The following CNBD2 variants were observed in gnomAD, a reference collection of about 807,000 sequenced individuals.
CNBD2 encodes cyclic nucleotide-binding domain-containing protein 2.
A neutral mutation model predicts 63.7 loss-of-function variants in CNBD2; 64 were observed. That is an observed-to-expected ratio of 1.00 (90% CI 0.82 to 1.24). The LOEUF is 1.24. Ranked by LOEUF, CNBD2 falls within the 50% of genes most tolerant of loss-of-function variation. CNBD2 has a pLI of 0.00. For synonymous variants in CNBD2, 229 were observed against 255.4 expected (o/e 0.90, Z 0.99); for missense variants, 691 against 713.5 (o/e 0.97, Z 0.36).
chr20:35,964,709 CT>C (rs573739064), upstream of CNBD2, among the ~76,000 whole-genome samples: 11 of 146,930 alleles, frequency 7.5e-5, no homozygotes, highest in Non-Finnish European at 1.1e-4. Context: ...CTTCATATAT[CT>C]TTTTTTTTTA....
intron 7 of CNBD2, 80 bp downstream of exon 7, chr20:35,987,613 A>G (rs554222081): frequency 2.2e-4 from 339 of 1,528,036 alleles, no homozygotes; most frequent in Non-Finnish European, 2.8e-4. Context: ...TGATGGTCAG[A>G]GTTTGAGCCC....
intron 7 of CNBD2, among the ~76,000 whole-genome samples, chr20:35,993,431 C>T (rs928699400): frequency 6.6e-6 from 1 of 152,114 alleles, no homozygotes; most frequent in Non-Finnish European, 1.5e-5. Flanking sequence ...TTCTTTTGCT[C>T]AACTGAATAT....
At chr20:36,022,154 A>T (rs1325239819) in intron 10 of CNBD2, among the ~76,000 whole-genome samples, 2 of 137,158 alleles carry the variant, frequency 1.5e-5, no homozygotes, top group Non-Finnish European at 3.1e-5. Context: ...GATTACAGGC[A>T]CCGGCCACCA....
chr20:36,020,879 G>A (rs890662457), intron 10 of CNBD2, among the ~76,000 whole-genome samples: 5 of 152,082 alleles, frequency 3.3e-5, no homozygotes, highest in Non-Finnish European at 7.4e-5. Context: ...TCAGAGGAAA[G>A]GTGGCATAGC....
At chr20:36,022,195 C>CTTTTTTTTTTTTTTTTTT (rs753206662) in intron 10 of CNBD2, among the ~76,000 whole-genome samples, 1 of 56,264 alleles carries the variant, frequency 1.8e-5, no homozygotes, top group East Asian at 6.2e-4. Flanking sequence ...TTTTTTTTTT[C>CTTTTTTTTTTTTTTTTTT]TTTTTTTTTT....
At chr20:35,998,507 G>A (rs2056855921) in intron 8 of CNBD2, among the ~76,000 whole-genome samples, 1 of 152,138 alleles carries the variant, frequency 6.6e-6, no homozygotes, top group African/African-American at 2.4e-5. Context: ...TGTTAAGTAG[G>A]TGAAGTTGGT....
At chr20:35,975,212 A>G (rs1224078642) in intron 2 of CNBD2, among the ~76,000 whole-genome samples, 3 of 135,560 alleles carry the variant, frequency 2.2e-5, no homozygotes, top group Admixed American at 7.2e-5. Flanking sequence ...CTTGTTAGCC[A>G]GGATGGTCTC....
At chr20:36,028,679 G>A (rs1384813118) in intron 11 of CNBD2, among the ~76,000 whole-genome samples, 8 of 99,792 alleles carry the variant, frequency 8.0e-5, no homozygotes, top group Admixed American at 1.7e-4. Flanking sequence ...AGGGCGTCAC[G>A]GGCTGGTTTT....
chr20:35,960,773 CTTCTCTTCCA>C (rs1568838622), intron 2 of CNBD2, among the ~76,000 whole-genome samples: 2,331 of 19,178 alleles, frequency 0.12, 354 homozygotes, highest in African/African-American at 0.25. Context: ...CTTCTCTTCC[CTTCTCTTCCA>C]TTCTCTTCCC....
intron 5 of CNBD2, 46 bp downstream of exon 5, chr20:35,984,184 A>G (rs2056635206): frequency 1.9e-6 from 3 of 1,553,132 alleles, no homozygotes; most frequent in African/African-American, 1.4e-5. Flanking sequence ...GAGTGGGTGG[A>G]GGTGACAGGA....
chr20:35,972,600 T>C (rs1380494002), intron 1 of CNBD2, 29 bp from the exon 2 acceptor site: 1 of 1,612,304 alleles, frequency 6.2e-7, no homozygotes. Context: ...AGATGGTTTC[T>C]ATTGATCTTG....
At chr20:35,971,114 ATTTTTTGTAT>A (rs1196650207) in intron 1 of CNBD2, among the ~76,000 whole-genome samples, 1 of 150,152 alleles carries the variant, frequency 6.7e-6, no homozygotes, top group East Asian at 2.0e-4. Flanking sequence ...CGCCCGGCTA[ATTTTTTGTAT>A]TTTTAGTAGA....
At chr20:35,963,394 G>A (rs2056322507) in intron 2 of CNBD2, among the ~76,000 whole-genome samples, 1 of 150,546 alleles carries the variant, frequency 6.6e-6, no homozygotes. Context: ...CTACTTAAAT[G>A]GTTTCGGCCG....
intron 7 of CNBD2, among the ~76,000 whole-genome samples, chr20:35,988,551 C>T (rs1447161724): frequency 6.6e-6 from 1 of 152,114 alleles, no homozygotes; most frequent in Non-Finnish European, 1.5e-5. Context: ...ATCCATAAAC[C>T]CATCATCTCA....
intron 10 of CNBD2, among the ~76,000 whole-genome samples, chr20:36,017,784 A>C (rs1478854765): frequency 1.2e-4 from 18 of 152,000 alleles, no homozygotes; most frequent in Non-Finnish European, 1.5e-5. Context: ...AAGGGGCGTA[A>C]TTTCCAGCCT....
chr20:35,975,347 C>CCGGA (rs2056495360), intron 2 of CNBD2, among the ~76,000 whole-genome samples: 1 of 117,566 alleles, frequency 8.5e-6, no homozygotes. Context: ...GTTGCCCAGG[C>CCGGA]TGGAGTGCAG....
intron 3 of CNBD2, among the ~76,000 whole-genome samples, chr20:35,978,541 T>A (rs1428343625): frequency 6.6e-6 from 1 of 152,186 alleles, no homozygotes; most frequent in East Asian, 1.9e-4. Flanking sequence ...AGACGGGGTT[T>A]CACCGTGTTA....
intron 2 of CNBD2, among the ~76,000 whole-genome samples, chr20:35,962,161 T>A (rs559068253): frequency 6.6e-6 from 1 of 152,170 alleles, no homozygotes; most frequent in South Asian, 2.1e-4. Flanking sequence ...ACCGTCACCC[T>A]CTGGCCACTG....
At chr20:36,005,266 CTG>C (rs1396415778) in intron 8 of CNBD2, among the ~76,000 whole-genome samples, 3 of 152,176 alleles carry the variant, frequency 2.0e-5, no homozygotes, top group African/African-American at 7.2e-5. Flanking sequence ...TGGAATGAAA[CTG>C]TTCCACCTCT....
Sources: gnomAD v4.1 joint callset for allele counts (sites outside exome capture counted in the v4.1 genomes callset) on GRCh38, gnomAD v4.1.1 for gene constraint, MANE v1.5 for transcripts, NCBI Gene and HGNC (gene_info 2026-07-23, HGNC 2026-07-21) for gene names.